The following CC2D2A variants were observed in gnomAD, a reference collection of about 807,000 sequenced individuals.
CC2D2A encodes the protein coiled-coil and C2 domain containing 2A.
Under a neutral mutation model 212.9 loss-of-function variants are expected in CC2D2A, and 155 were observed. The observed-to-expected ratio is 0.73, with a 90% CI of 0.64 to 0.83. The LOEUF is 0.83. CC2D2A is among the 40% of genes least tolerant of loss of function. The probability of loss-of-function intolerance (pLI) is 0.00; values close to 1 mark genes in which losing one functional copy is unlikely to be tolerated. For synonymous variants in CC2D2A, 667 were observed against 686.5 expected (o/e 0.97, Z 0.44); for missense variants, 1,856 against 1,956.2 (o/e 0.95, Z 0.97).
In CC2D2A at chr4:15,589,601, CTGCAG is replaced by C; in HGVS notation, c.4239_4243del (p.Cys1413TrpfsTer8). ...AAGGTCGTTATTTAATATGGAATCCCTGCAGTGGACATTTTTATGGACAATTTGAT... is the reference window on the plus strand; with the variant it reads ...AAGGTCGTTATTTAATATGGAATCCCTGGACATTTTTATGGACAATTTGAT... On this transcript the variant is annotated frameshift_variant, in exon 33 of 37. Coordinates refer to ENST00000424120, the MANE Select transcript of CC2D2A (RefSeq NM_001378615.1). LOFTEE classifies it high-confidence loss of function. 1 of 1,612,666 alleles carries C rather than the reference CTGCAG, an allele frequency of 6.2e-7. No homozygotes were observed. The highest frequency in any genetic ancestry group is 8.5e-7 in the Non-Finnish European group (1 of 1,179,116).
At chr4:15,533,137 T>G (rs1717936405) in intron 13 of CC2D2A, 56 bp from the exon 14 acceptor site, 1 of 1,454,954 alleles carries the variant, frequency 6.9e-7, no homozygotes, top group Admixed American at 2.6e-5. Flanking sequence ...TATTAATTTC[T>G]TTTGCAAACA....
At chr4:15,576,568 GTTTCTT>G (rs769389694) in intron 29 of CC2D2A, 1 of 158,432 alleles carries the variant, frequency 6.3e-6, no homozygotes, top group Non-Finnish European at 1.4e-5. Context: ...CCTGCCTCTT[GTTTCTT>G]TTTCTTTCTT....
In CC2D2A at chr4:15,563,362, G is replaced by T. The variant is rs1227763074; in HGVS notation, c.3022G>T (p.Gly1008Cys). Reference protein sequence around the residue: ...EEEVPNISILGLSLFKLAEQK... With the variant: ...EEEVPNISILCLSLFKLAEQK... Reference sequence around the variant, plus strand: ...CTGTTCTGTAATCATTAGCATTTTGGGCCTAAGCCTTTTCAAGCTGGCAGA... The same window carrying T: ...CTGTTCTGTAATCATTAGCATTTTGTGCCTAAGCCTTTTCAAGCTGGCAGA... The change falls in exon 24 of 37, where the codon GGC becomes TGC. Residue 1008 changes from glycine to cysteine, a missense_variant. Gly to Cys is a radical substitution (Grantham distance 159, BLOSUM62 -3). Transcript: ENST00000424120. 1 of 1,601,208 alleles carries T rather than the reference G, an allele frequency of 6.2e-7. No individual in the cohort carries two copies. The highest frequency in any genetic ancestry group is 8.5e-7 in the Non-Finnish European group (1 of 1,173,566).
At position 15,533,397 on chromosome 4, in the gene CC2D2A, A is replaced by C. The variant is rs188870085; in HGVS notation, c.1607+64A>C. 5.2e-5 allele frequency: 62 copies of C among 1,195,806 alleles called. No homozygotes were observed. The African/African-American group carries it at 9.0e-4, about 17-fold the overall frequency. The allele number at this position is 1,195,806 out of a possible 1,614,324, so 74.1% of individuals were successfully genotyped here. A position where few individuals can be genotyped will look rare whatever the true frequency, so the allele number is the denominator to read the frequency against. ...ATACATTAAGAAAAATGTATAAAAC[A>C]TGGATACAGTTTTAAAAGTAATTAC... On this transcript the variant is annotated intron_variant, in intron 14 of 36. Coordinates refer to ENST00000424120, the MANE Select transcript of CC2D2A (RefSeq NM_001378615.1).
In CC2D2A at chr4:15,537,032, T is replaced by C. The variant is rs768277071; in HGVS notation, c.1720T>C (p.Tyr574His). 2.5e-6 allele frequency: 4 copies of C among 1,613,572 alleles called. No individual in the cohort carries two copies. In the South Asian group the frequency reaches 4.4e-5, roughly 18 times the overall value. ...TEEYAQKMEEYRTSLQQWKAW... is the reference protein window; with the variant it reads ...TEEYAQKMEEHRTSLQQWKAW... ...GGAGTACGCACAGAAGATGGAAGAATACAGAACGTCGTTACAACAGTGGAA... is the reference window on the plus strand; with the variant it reads ...GGAGTACGCACAGAAGATGGAAGAACACAGAACGTCGTTACAACAGTGGAA... Residue 574 changes from tyrosine (Y) to histidine (H), a missense_variant, in exon 15 of 37, where the codon TAC becomes CAC. Transcript: ENST00000424120.
At chr4:15,520,765 G>A (rs1201871362) in intron 11 of CC2D2A, among the ~76,000 whole-genome samples, 1 of 152,126 alleles carries the variant, frequency 6.6e-6, no homozygotes, top group Non-Finnish European at 1.5e-5. Flanking sequence ...GTATTTACCA[G>A]GTGGAATGCC....
At chr4:15,503,680 C>G (rs1716098758) in intron 6 of CC2D2A, among the ~76,000 whole-genome samples, 1 of 152,036 alleles carries the variant, frequency 6.6e-6, no homozygotes, top group Admixed American at 6.6e-5. Flanking sequence ...TTTCTACAAG[C>G]CATGGAAAGC....
At chr4:15,545,413 G>C (rs1718660083) in intron 17 of CC2D2A, among the ~76,000 whole-genome samples, 1 of 152,082 alleles carries the variant, frequency 6.6e-6, no homozygotes, top group Non-Finnish European at 1.5e-5. Flanking sequence ...TGGAGAATTG[G>C]AAGCCATGTA....
intron 3 of CC2D2A, chr4:15,479,269 TCTCCGCAGGAGTTCCC>T: frequency 6.5e-7 from 1 of 1,537,094 alleles, no homozygotes; most frequent in Non-Finnish European, 8.7e-7. Context: ...CTCCCCCACC[TCTCCGCAGGAGTTCCC>T]CTCCTAGGCT....
chr4:15,519,433 C>T, intron 11 of CC2D2A: 2 of 415,898 alleles, frequency 4.8e-6, no homozygotes, highest in Non-Finnish European at 9.5e-6. Flanking sequence ...TCTTCTGAGC[C>T]CTCCAAACTG....
In CC2D2A at chr4:15,599,891, C is replaced by A. The variant is rs1180249646; in HGVS notation, c.4674+185C>A. 1.3e-5 allele frequency among the ~76,000 whole-genome samples: 2 copies of A among 152,102 alleles called. 1 individual carries two copies. The highest frequency in any genetic ancestry group is 1.3e-4 in the Admixed American group (2 of 15,264). ...CAATAATCATGAAATAGCAAAATACCACCATTTTTCATATAAGTATCCCAT... is the reference window on the plus strand; with the variant it reads ...CAATAATCATGAAATAGCAAAATACAACCATTTTTCATATAAGTATCCCAT... On this transcript the variant is annotated intron_variant, in intron 36 of 36. Transcript: ENST00000424120.
chr4:15,539,602 A>C (rs757094646), intron 16 of CC2D2A, among the ~76,000 whole-genome samples: 1 of 152,168 alleles, frequency 6.6e-6, no homozygotes, highest in Non-Finnish European at 1.5e-5. Context: ...GTGCATTTTC[A>C]TGTGTTCCCT....
chr4:15,585,283 T>C (rs924706350), intron 30 of CC2D2A, among the ~76,000 whole-genome samples: 1 of 152,162 alleles, frequency 6.6e-6, no homozygotes, highest in Non-Finnish European at 1.5e-5. Flanking sequence ...GAAAATGTGG[T>C]AAATATACAC....
intron 11 of CC2D2A, among the ~76,000 whole-genome samples, chr4:15,518,759 C>G (rs530132562): frequency 1.6e-4 from 24 of 152,370 alleles, no homozygotes; most frequent in Admixed American, 6.5e-4. Context: ...CTTGCACCCT[C>G]TAAAGCCATG....
intron 33 of CC2D2A, among the ~76,000 whole-genome samples, chr4:15,594,305 C>G (rs1394857936): frequency 6.6e-6 from 1 of 152,104 alleles, no homozygotes; most frequent in Non-Finnish European, 1.5e-5. Flanking sequence ...CTCCACAGCC[C>G]TTGCACAATT....
chr4:15,502,985 CAA>C (rs1335015620), intron 6 of CC2D2A, 62 bp downstream of exon 6: 1 of 1,347,970 alleles, frequency 7.4e-7, no homozygotes, highest in African/African-American at 1.5e-5. Context: ...AAGTTTCCAG[CAA>C]AAGTTTTTAG....
intron 30 of CC2D2A, among the ~76,000 whole-genome samples, chr4:15,582,308 C>T (rs1025173627): frequency 2.0e-5 from 3 of 151,916 alleles, no homozygotes; most frequent in African/African-American, 4.8e-5. Context: ...ATTTGGAATA[C>T]AGCACACAGA....
chr4:15,485,460 GA>G (rs1435238969), intron 4 of CC2D2A, among the ~76,000 whole-genome samples: 1 of 152,162 alleles, frequency 6.6e-6, no homozygotes. Context: ...ATATCTCTTT[GA>G]TATACTGCTT....
chr4:15,542,969 T>C (rs1718536586), intron 17 of CC2D2A, among the ~76,000 whole-genome samples: 2 of 152,216 alleles, frequency 1.3e-5, no homozygotes, highest in East Asian at 1.9e-4. Context: ...AAGCACTGAA[T>C]GGAAAGAGAG....
Sources: allele counts gnomAD v4.1 joint callset (sites outside exome capture counted in the v4.1 genomes callset), GRCh38; gene constraint gnomAD v4.1.1; transcripts MANE v1.5; gene names NCBI Gene and HGNC (gene_info 2026-07-23, HGNC 2026-07-21).